The following CEP192 variants were observed in gnomAD, a reference collection of about 807,000 sequenced individuals.
CEP192 encodes the protein centrosomal protein of 192 kDa.
CEP192 carries 151 observed loss-of-function variants against 271.8 expected under a neutral mutation model. The ratio of observed to expected loss-of-function variants is 0.56; its 90% CI spans 0.49 to 0.64. The LOEUF is 0.64. Among genes scored for constraint, CEP192 ranks in the 30% least tolerant of loss-of-function variants. The pLI is 0.00. For missense variants in CEP192, 2,910 were observed against 3,020.5 expected, an observed-to-expected ratio of 0.96 and a Z score of 0.86; for synonymous variants, 995 against 1,076.5, an observed-to-expected ratio of 0.92 and a Z score of 1.48.
At chr18:13,028,602 C>A (rs971875597) in intron 9 of CEP192, among the ~76,000 whole-genome samples, 1 of 152,160 alleles carries the variant, frequency 6.6e-6, no homozygotes, top group African/African-American at 2.4e-5. Context: ...TCACTGCAAC[C>A]TCCGCCTCCC....
chr18:13,099,685 C>T (rs2039616476), intron 37 of CEP192, 104 bp downstream of exon 37: 2 of 601,058 alleles, frequency 3.3e-6, no homozygotes, highest in Admixed American at 3.0e-5. Context: ...CAAATGAAAG[C>T]GTACTTGACC....
chr18:12,995,144 C>G (rs1474165023), intron 1 of CEP192, among the ~76,000 whole-genome samples: 1 of 146,076 alleles, frequency 6.8e-6, no homozygotes, highest in African/African-American at 2.6e-5. Flanking sequence ...TCCCTGCAAG[C>G]TCTGCCTCCC....
Position 13,097,377 on chromosome 18 carries a change from T to C in CEP192, c.6557+1070T>C, listed in dbSNP as rs528771783. On this transcript the variant is annotated intron_variant, in intron 36 of 44. Coordinates refer to ENST00000506447, the MANE Select transcript of CEP192 (RefSeq NM_032142.4). ...GGCATCCCCTGGTTCTTGAAGAGAA[T>C]ATTGAGCCCAGAAAATATAAGCAGC... Among the ~76,000 whole-genome samples, 14 of 152,300 alleles carry C rather than the reference T, an allele frequency of 9.2e-5. No homozygotes were observed. In the South Asian group the frequency reaches 2.9e-3, roughly 32 times the overall value.
Position 13,018,583 on chromosome 18 carries a change from A to T in CEP192, c.893A>T (p.Glu298Val), listed in dbSNP as rs1438937263. The part of the protein sequence containing the change: ...HSSETTHKES[E>V]ESQVICLPGT... ...TCTGAAACAACTCACAAAGAGTCTG[A>T]GGAAAGCCAAGTTATTTGTCTACCT... The change falls in exon 8 of 45, where the codon GAG (glutamate) becomes GTG (valine). Residue 298 changes from glutamate to valine, a missense_variant. Physicochemically the swap from Glu to Val is moderately radical, Grantham distance 121 (BLOSUM62 -2). Transcript: ENST00000506447. 1 of 1,539,372 alleles carries T rather than the reference A, an allele frequency of 6.5e-7. No individual in the cohort carries two copies.
intron 10 of CEP192, 151 bp from the exon 11 acceptor site, chr18:13,030,314 G>T (rs1490161785): frequency 1.5e-6 from 1 of 673,876 alleles, no homozygotes; most frequent in African/African-American, 1.8e-5. Flanking sequence ...TTCTTTTGGG[G>T]AAATGGGTTT....
chr18:13,076,785 A>G (rs553054501), intron 30 of CEP192, among the ~76,000 whole-genome samples: 21 of 151,074 alleles, frequency 1.4e-4, no homozygotes, highest in Admixed American at 1.1e-3. Flanking sequence ...AATGCTGTTT[A>G]TTTATTTATT....
chr18:13,016,397 G>A (rs747914225), intron 6 of CEP192, among the ~76,000 whole-genome samples: 10 of 152,162 alleles, frequency 6.6e-5, no homozygotes, highest in Non-Finnish European at 1.2e-4. Context: ...TGGTAAATAA[G>A]CCCAGAAAAG....
chr18:13,031,249 T>G (rs1249305362), intron 11 of CEP192, among the ~76,000 whole-genome samples: 18 of 143,170 alleles, frequency 1.3e-4, no homozygotes, highest in Admixed American at 9.0e-4. Flanking sequence ...TGTTGTTTTT[T>G]TTTTTTTTTT....
At chr18:13,098,520 G>A (rs1431003037) in intron 36 of CEP192, among the ~76,000 whole-genome samples, 2 of 151,786 alleles carry the variant, frequency 1.3e-5, no homozygotes, top group African/African-American at 4.9e-5. Flanking sequence ...GCCGGGCAGA[G>A]GCGCTCCTCA....
At chr18:13,076,098 A>G (rs2038259389) in intron 30 of CEP192, among the ~76,000 whole-genome samples, 1 of 152,236 alleles carries the variant, frequency 6.6e-6, no homozygotes, top group Non-Finnish European at 1.5e-5. Context: ...CATCCGAGAA[A>G]GCCCAAGACA....
At chr18:13,102,329 G>A (rs3786161) in intron 38 of CEP192, among the ~76,000 whole-genome samples, 6,612 of 151,972 alleles carry the variant, frequency 0.044, 217 homozygotes, top group East Asian at 0.14. Flanking sequence ...CTCGCCTCTC[G>A]GGGGGCTTCC....
intron 30 of CEP192, among the ~76,000 whole-genome samples, chr18:13,082,195 G>T (rs1271232874): frequency 1.3e-5 from 2 of 152,136 alleles, no homozygotes; most frequent in African/African-American, 4.8e-5. Flanking sequence ...GTCTAATATT[G>T]ACAGTGGGGT....
intron 11 of CEP192, among the ~76,000 whole-genome samples, chr18:13,031,399 C>T (rs1227564173): frequency 1.3e-5 from 2 of 151,982 alleles, no homozygotes; most frequent in African/African-American, 4.8e-5. Flanking sequence ...AGGCACCTGC[C>T]ACTACGCCCG....
chr18:13,085,371 T>C (rs994468712), intron 30 of CEP192, among the ~76,000 whole-genome samples: 2 of 123,140 alleles, frequency 1.6e-5, no homozygotes, highest in Admixed American at 1.7e-4. Flanking sequence ...TGATAGTTTC[T>C]TTTGCTGTGC....
In CEP192 at chr18:13,048,838, G is replaced by A. The variant is rs1295202872; in HGVS notation, c.2068-21G>A. The A allele has an allele frequency of 2.0e-6, 3 of 1,499,386 alleles. No individual in the cohort carries two copies. The Admixed American group carries it at 6.1e-5, about 30-fold the overall frequency. The allele number at this position is 1,499,386 out of a possible 1,614,324, so 92.9% of individuals were successfully genotyped here. A position where few individuals can be genotyped will look rare whatever the true frequency, so the allele number is the denominator to read the frequency against. ...TGAAACTGGGGTAAATTTATCTGAT[G>A]TTTAATTTTCTCACTTCTAGGACAC... On this transcript the variant is annotated intron_variant, in intron 15 of 44. Transcript: ENST00000506447.
rs367669673 is a variant in CEP192, at chr18:13,102,021, T to C, written c.6872-1488T>C. 1.3e-4 allele frequency among the ~76,000 whole-genome samples: 20 copies of C among 152,184 alleles called. No individual in the cohort carries two copies. In the East Asian group the frequency reaches 1.6e-3, roughly 12 times the overall value. ...GCCTAGCTCCTCCTGCCTCCACCCT[T>C]GCAGTGAAACCACACTGGAAGGAGC... On this transcript the variant is annotated intron_variant, in intron 38 of 44. Coordinates refer to ENST00000506447, the MANE Select transcript of CEP192 (RefSeq NM_032142.4).
In CEP192 at chr18:13,064,194, A is replaced by G. The variant is rs192384777; in HGVS notation, c.4489-3637A>G. Among the ~76,000 whole-genome samples, 19 of 152,112 alleles carry G rather than the reference A, an allele frequency of 1.2e-4. No homozygotes were observed. The East Asian group carries it at 2.7e-3, about 22-fold the overall frequency. On this transcript the variant is annotated intron_variant, in intron 21 of 44. Coordinates refer to ENST00000506447, the MANE Select transcript of CEP192 (RefSeq NM_032142.4). ...TTTAATCCATTTTGATTTGATTTTTATATATGGCAAGAGACAGGAGTCTAG... is the reference window on the plus strand; with the variant it reads ...TTTAATCCATTTTGATTTGATTTTTGTATATGGCAAGAGACAGGAGTCTAG...
intron 36 of CEP192, among the ~76,000 whole-genome samples, chr18:13,097,651 T>TA (rs34649897): frequency 0.14 from 18,879 of 131,816 alleles, 1,375 homozygotes; most frequent in East Asian, 0.3. Flanking sequence ...TAACTATTAT[T>TA]TTTTTTTTTT....
At chr18:13,045,980 CCAGTCTGA>C (rs967766195) in intron 15 of CEP192, among the ~76,000 whole-genome samples, 1 of 152,156 alleles carries the variant, frequency 6.6e-6, no homozygotes, top group African/African-American at 2.4e-5. Flanking sequence ...TGCTTTTCAA[CCAGTCTGA>C]CAGTCTGTAT....
Sources: gnomAD v4.1 joint callset for allele counts (sites outside exome capture counted in the v4.1 genomes callset) on GRCh38, gnomAD v4.1.1 for gene constraint, MANE v1.5 for transcripts, NCBI Gene and HGNC (gene_info 2026-07-23, HGNC 2026-07-21) for gene names.